PPIL2: variants seen among roughly 807,000 people sequenced by gnomAD.
PPIL2 encodes the protein RING-type E3 ubiquitin-protein ligase PPIL2.
In PPIL2, 50 loss-of-function variants were observed where a neutral mutation model predicts 75.2. That is an observed-to-expected ratio of 0.66 (90% CI 0.53 to 0.84). The LOEUF is 0.84. PPIL2 is among the 40% of genes least tolerant of loss of function. The pLI, the probability that PPIL2 is intolerant of heterozygous loss-of-function variation, is 0.00. For synonymous variants in PPIL2, 245 were observed against 258.8 expected (o/e 0.95, Z 0.51); for missense variants, 590 against 685.0 (o/e 0.86, Z 1.55).
chr22:21,670,875 C>A, intron 3 of PPIL2, 122 bp from the exon 4 acceptor site: 1 of 1,015,124 alleles, frequency 9.9e-7, no homozygotes, highest in Non-Finnish European at 1.6e-6. Flanking sequence ...AGGGAGGTGG[C>A]CAGGCTGCCC....
At chr22:21,684,973 C>T in intron 10 of PPIL2, 60 bp downstream of exon 10, 4 of 1,588,628 alleles carry the variant, frequency 2.5e-6, no homozygotes, top group Non-Finnish European at 3.4e-6. Context: ...ATCTCATGGC[C>T]TCTTGGAGTG....
At chr22:21,693,988 A>G (rs2148577287) in intron 16 of PPIL2, 116 bp downstream of exon 16, 1 of 1,141,010 alleles carries the variant, frequency 8.8e-7, no homozygotes, top group East Asian at 2.4e-5. Flanking sequence ...CATGCTGGCC[A>G]TCACTGCTGG....
chr22:21,683,076 C>A, intron 8 of PPIL2, 106 bp from the exon 9 acceptor site: 1 of 956,982 alleles, frequency 1.0e-6, no homozygotes. Context: ...TCAGTGTAGC[C>A]CTGGCCTCTT....
chr22:21,685,334 G>C (rs2067311886), intron 10 of PPIL2, among the ~76,000 whole-genome samples: 1 of 152,202 alleles, frequency 6.6e-6, no homozygotes, highest in Non-Finnish European at 1.5e-5. Context: ...AGCCATGCCA[G>C]GGAGAGTTGG....
At chr22:21,699,788 C>G (rs1442123234), downstream of PPIL2, 1 of 152,686 alleles carries the variant, frequency 6.5e-6, no homozygotes, top group Non-Finnish European at 1.5e-5. Context: ...GACTTTTCCT[C>G]GGTCCAGTGT....
At chr22:21,682,995 C>T (rs1235082472) in intron 8 of PPIL2, among the ~76,000 whole-genome samples, 187 bp from the exon 9 acceptor site, 1 of 152,196 alleles carries the variant, frequency 6.6e-6, no homozygotes, top group Non-Finnish European at 1.5e-5. Flanking sequence ...CGTCCCTGCC[C>T]CTGCCCCTGT....
intron 15 of PPIL2, among the ~76,000 whole-genome samples, chr22:21,691,079 G>C (rs996378785): frequency 6.8e-6 from 1 of 147,710 alleles, no homozygotes; most frequent in African/African-American, 2.5e-5. Flanking sequence ...GTTCTCCTGG[G>C]ATTACAGACG....
intron 15 of PPIL2, among the ~76,000 whole-genome samples, chr22:21,693,369 C>T (rs537753866): frequency 7.2e-5 from 11 of 152,302 alleles, no homozygotes; most frequent in African/African-American, 2.6e-4. Flanking sequence ...TTTCTTAGTC[C>T]ATGTTTATTT....
chr22:21,681,414 G>GAGA, intron 7 of PPIL2, 24 bp downstream of exon 7: 4 of 1,581,846 alleles, frequency 2.5e-6, no homozygotes, highest in Non-Finnish European at 3.5e-6. Context: ...CCGGGGCGTG[G>GAGA]AGACAGCGGT....
At chr22:21,672,274 T>C (rs1322141378) in intron 4 of PPIL2, 56 bp from the exon 5 acceptor site, 1 of 1,484,648 alleles carries the variant, frequency 6.7e-7, no homozygotes, top group Non-Finnish European at 9.4e-7. Context: ...CACAGTGTTG[T>C]TACCAGGTGG....
intron 1 of PPIL2, among the ~76,000 whole-genome samples, chr22:21,667,149 C>T (rs2066420163): frequency 1.4e-5 from 2 of 141,170 alleles, no homozygotes; most frequent in South Asian, 4.4e-4. Flanking sequence ...ATCCTCAGTC[C>T]TCATTTTTTT....
intron 6 of PPIL2, among the ~76,000 whole-genome samples, chr22:21,675,541 A>G (rs1334535493): frequency 6.6e-6 from 1 of 152,186 alleles, no homozygotes. Flanking sequence ...TCTCAAAAAA[A>G]AAAGGTGTCA....
intron 5 of PPIL2, 147 bp downstream of exon 5, chr22:21,672,528 C>T: frequency 1.3e-6 from 1 of 758,110 alleles, no homozygotes; most frequent in Non-Finnish European, 2.2e-6. Context: ...CCCCTCCTCT[C>T]CCCACACCCA....
At chr22:21,688,960 C>T (rs984692913) in intron 15 of PPIL2, 111 bp downstream of exon 15, 59 of 1,034,474 alleles carry the variant, frequency 5.7e-5, no homozygotes, top group African/African-American at 1.1e-4. Context: ...CATACCCAGA[C>T]GGTGTACGGC....
intron 13 of PPIL2, 106 bp downstream of exon 13, chr22:21,687,838 G>C: frequency 8.4e-7 from 1 of 1,193,150 alleles, no homozygotes; most frequent in Non-Finnish European, 1.2e-6. Flanking sequence ...TCCCACGGTG[G>C]CCAGGATGAG....
chr22:21,672,277 C>G (rs765277495), intron 4 of PPIL2, 53 bp from the exon 5 acceptor site: 43 of 1,505,242 alleles, frequency 2.9e-5, no homozygotes, highest in Non-Finnish European at 3.9e-5. Flanking sequence ...AGTGTTGTTA[C>G]CAGGTGGCGC....
At chr22:21,686,117 A>G (rs2067348750) in intron 10 of PPIL2, among the ~76,000 whole-genome samples, 1 of 152,124 alleles carries the variant, frequency 6.6e-6, no homozygotes, top group African/African-American at 2.4e-5. Flanking sequence ...CACCAGGATC[A>G]CACACCACTG....
chr22:21,675,005 C>T, intron 5 of PPIL2, 59 bp from the exon 6 acceptor site: 2 of 1,441,904 alleles, frequency 1.4e-6, no homozygotes, highest in South Asian at 2.3e-5. Context: ...CTGACCCTAG[C>T]ATCTCTGTGC....
intron 1 of PPIL2, among the ~76,000 whole-genome samples, chr22:21,667,151 CA>C (rs2066420803): frequency 9.6e-6 from 1 of 104,450 alleles, no homozygotes; most frequent in African/African-American, 3.5e-5. Flanking sequence ...CCTCAGTCCT[CA>C]TTTTTTTTTT....
Sources: gnomAD v4.1 joint callset for allele counts (sites outside exome capture counted in the v4.1 genomes callset) on GRCh38, gnomAD v4.1.1 for gene constraint, MANE v1.5 for transcripts, NCBI Gene and HGNC (gene_info 2026-07-23, HGNC 2026-07-21) for gene names.